Variants in SMIM10L3 observed in about 807,000 individuals in gnomAD.
SMIM10L3 encodes the protein small integral membrane protein 10 like 3, also known as salivary gland specific protein SAGSIN1.
chr7:6,347,419 G>A, the SMIM10L3 span, among the ~76,000 whole-genome samples: 1 of 152,134 alleles, frequency 6.6e-6, no homozygotes, highest in East Asian at 1.9e-4. Context: ...AGGAGGCTGA[G>A]TCAGGAGAAT....
chr7:6,348,399 C>A, the SMIM10L3 span, among the ~76,000 whole-genome samples: 13 of 152,172 alleles, frequency 8.5e-5, no homozygotes, highest in African/African-American at 3.1e-4. Flanking sequence ...GTTTGCAGAA[C>A]GGGGATAAGG....
the SMIM10L3 span, among the ~76,000 whole-genome samples, chr7:6,348,025 C>G: frequency 6.6e-6 from 1 of 151,700 alleles, no homozygotes; most frequent in Middle Eastern, 3.4e-3. Flanking sequence ...ATTCTGCCGC[C>G]TCAGCCTCCC....
chr7:6,333,444 AAAAG>A, the SMIM10L3 span, among the ~76,000 whole-genome samples: 3 of 152,120 alleles, frequency 2.0e-5, no homozygotes, highest in South Asian at 4.1e-4. Context: ...CAGAGCAGGA[AAAAG>A]AAAGAAAGAA....
At chr7:6,344,951 T>C in the SMIM10L3 span, among the ~76,000 whole-genome samples, 2 of 151,822 alleles carry the variant, frequency 1.3e-5, no homozygotes, top group South Asian at 2.1e-4. Context: ...ATGTTGGCCA[T>C]GCTGGTCTCA....
the SMIM10L3 span, chr7:6,348,785 C>A: frequency 3.5e-5 from 14 of 397,362 alleles, no homozygotes; most frequent in Non-Finnish European, 4.4e-5. Context: ...CCACAGCCCC[C>A]CCGCCCGCCC....
At chr7:6,331,539 G>A in the SMIM10L3 span, among the ~76,000 whole-genome samples, 1 of 151,796 alleles carries the variant, frequency 6.6e-6, no homozygotes, top group African/African-American at 2.4e-5. Flanking sequence ...ATGCCACCAA[G>A]CCCGCTAATT....
the SMIM10L3 span, among the ~76,000 whole-genome samples, chr7:6,343,587 A>G: frequency 6.6e-6 from 1 of 151,732 alleles, no homozygotes; most frequent in Non-Finnish European, 1.5e-5. Flanking sequence ...TATTGATTCC[A>G]TTTAACTGCC....
the SMIM10L3 span, among the ~76,000 whole-genome samples, chr7:6,336,574 G>T: frequency 5.3e-5 from 8 of 151,366 alleles, no homozygotes; most frequent in African/African-American, 1.9e-4. Flanking sequence ...CCAGCTATTA[G>T]TCAGGAGGCT....
chr7:6,347,643 CCACTTT>C, the SMIM10L3 span, among the ~76,000 whole-genome samples: 1 of 152,110 alleles, frequency 6.6e-6, no homozygotes, highest in Non-Finnish European at 1.5e-5. Context: ...TCCACGTCTT[CCACTTT>C]ATTTTCCCTG....
chr7:6,347,637 C>T, the SMIM10L3 span, among the ~76,000 whole-genome samples: 1 of 152,122 alleles, frequency 6.6e-6, no homozygotes, highest in Non-Finnish European at 1.5e-5. Context: ...TGTGCTTCCA[C>T]GTCTTCCACT....
At chr7:6,347,883 T>TTATTATTATTATTA in the SMIM10L3 span, among the ~76,000 whole-genome samples, 15 of 131,534 alleles carry the variant, frequency 1.1e-4, no homozygotes, top group African/African-American at 3.9e-4. Flanking sequence ...ACGAGACCCC[T>TTATTATTATTATTA]TTATTATTAT....
the SMIM10L3 span, among the ~76,000 whole-genome samples, chr7:6,340,781 C>A: frequency 6.6e-6 from 1 of 151,256 alleles, no homozygotes; most frequent in South Asian, 2.1e-4. Flanking sequence ...CACCTATAGT[C>A]CCAGCTACTC....
At chr7:6,346,623 C>T in the SMIM10L3 span, among the ~76,000 whole-genome samples, 26 of 152,156 alleles carry the variant, frequency 1.7e-4, no homozygotes, top group Non-Finnish European at 1.0e-4. Context: ...TTAAGCGACG[C>T]AGACACCTTG....
At chr7:6,336,835 G>C in the SMIM10L3 span, among the ~76,000 whole-genome samples, 1 of 151,936 alleles carries the variant, frequency 6.6e-6, no homozygotes, top group African/African-American at 2.4e-5. Context: ...TTTGTATTTT[G>C]TGTAGAGACA....
At chr7:6,332,767 C>T in the SMIM10L3 span, among the ~76,000 whole-genome samples, 417 of 152,252 alleles carry the variant, frequency 2.7e-3, 2 homozygotes, top group African/African-American at 8.8e-3. Flanking sequence ...AAGTGGCTGA[C>T]GGGGATGGAG....
the SMIM10L3 span, among the ~76,000 whole-genome samples, chr7:6,337,294 GTA>G: frequency 8.6e-5 from 13 of 151,882 alleles, no homozygotes; most frequent in Non-Finnish European, 1.5e-4. Flanking sequence ...CATTAATTTT[GTA>G]TTTTGAGTAG....
At chr7:6,333,344 T>C in the SMIM10L3 span, among the ~76,000 whole-genome samples, 1 of 151,798 alleles carries the variant, frequency 6.6e-6, no homozygotes, top group Non-Finnish European at 1.5e-5. Context: ...GATGGCTGGA[T>C]TTGCATTTCA....
the SMIM10L3 span, among the ~76,000 whole-genome samples, chr7:6,337,794 ATTATTTAT>A: frequency 7.3e-5 from 11 of 150,456 alleles, no homozygotes; most frequent in Non-Finnish European, 1.3e-4. Flanking sequence ...ATTTCAATAC[ATTATTTAT>A]TTATTTATTT....
chr7:6,340,690 G>T, the SMIM10L3 span, among the ~76,000 whole-genome samples: 1 of 151,942 alleles, frequency 6.6e-6, no homozygotes, highest in Non-Finnish European at 1.5e-5. Flanking sequence ...ACGAGGTCAG[G>T]AGATCGAGAC....
Sources: allele counts gnomAD v4.1 joint callset (sites outside exome capture counted in the v4.1 genomes callset), GRCh38; gene constraint gnomAD v4.1.1; transcripts MANE v1.5; gene names NCBI Gene and HGNC (gene_info 2026-07-23, HGNC 2026-07-21).